FAR1: variants seen among roughly 807,000 people sequenced by gnomAD.
FAR1 encodes fatty acyl-CoA reductase 1.
FAR1 carries 22 observed loss-of-function variants against 61.1 expected under a neutral mutation model. The observed-to-expected ratio is 0.36, with a 90% CI of 0.26 to 0.51. The LOEUF (loss-of-function observed/expected upper bound fraction) is 0.51. FAR1 is among the 20% of genes least tolerant of loss of function. The pLI is 0.95. For missense variants in FAR1, 359 were observed against 626.9 expected, an observed-to-expected ratio of 0.57 and a Z score of 4.56; for synonymous variants, 206 against 209.7, an observed-to-expected ratio of 0.98 and a Z score of 0.15.
chr11:13,714,701 C>G, intron 9 of FAR1, 21 bp downstream of exon 9: 1 of 1,584,076 alleles, frequency 6.3e-7, no homozygotes, highest in Non-Finnish European at 8.6e-7. Flanking sequence ...CTAGCTCTGT[C>G]TTATCTGTTC....
chr11:13,690,820 T>G (rs1382998572), intron 1 of FAR1, among the ~76,000 whole-genome samples: 1 of 152,250 alleles, frequency 6.6e-6, no homozygotes, highest in Non-Finnish European at 1.5e-5. Flanking sequence ...ATTGACATCT[T>G]CAGTCTTCCA....
intron 1 of FAR1, among the ~76,000 whole-genome samples, chr11:13,684,196 GTTAA>G (rs1309251434): frequency 2.6e-5 from 4 of 152,074 alleles, no homozygotes; most frequent in Non-Finnish European, 4.4e-5. Context: ...TTAGAGTCCC[GTTAA>G]TTATTTGTTT....
In FAR1 at chr11:13,704,542, G is replaced by A. The variant is rs139049992; in HGVS notation, c.366-3358G>A. 1.3e-3 allele frequency among the ~76,000 whole-genome samples: 204 copies of A among 152,184 alleles called. 5 individuals carry two copies. The East Asian group carries it at 0.036, about 27-fold the overall frequency. Reference sequence around the variant, plus strand: ...GCCAAATTTTGACTTTTTAATTTTGGAATCATACTCCAGAGTTCTTTTTAG... The same window carrying A: ...GCCAAATTTTGACTTTTTAATTTTGAAATCATACTCCAGAGTTCTTTTTAG... On this transcript the variant is annotated intron_variant, in intron 3 of 11. Coordinates refer to ENST00000354817, the MANE Select transcript of FAR1 (RefSeq NM_032228.6).
chr11:13,694,602 A>G (rs1469301852), intron 1 of FAR1, among the ~76,000 whole-genome samples, 157 bp from the exon 2 acceptor site: 1 of 152,194 alleles, frequency 6.6e-6, no homozygotes, highest in Non-Finnish European at 1.5e-5. Flanking sequence ...TTTCCACTTT[A>G]CTATAATGAA....
At chr11:13,714,702 T>C in intron 9 of FAR1, 22 bp downstream of exon 9, 1 of 1,584,714 alleles carries the variant, frequency 6.3e-7, no homozygotes, top group Non-Finnish European at 8.6e-7. Context: ...TAGCTCTGTC[T>C]TATCTGTTCC....
chr11:13,692,179 T>C (rs1848257545), intron 1 of FAR1, among the ~76,000 whole-genome samples: 1 of 152,106 alleles, frequency 6.6e-6, no homozygotes, highest in Non-Finnish European at 1.5e-5. Context: ...AGGAAAAACT[T>C]TTAAGCACCA....
At chr11:13,679,951 T>C (rs892908679) in intron 1 of FAR1, among the ~76,000 whole-genome samples, 3 of 151,964 alleles carry the variant, frequency 2.0e-5, no homozygotes, top group Non-Finnish European at 2.9e-5. Context: ...GGGGAAGTAT[T>C]GGGGAAAATA....
At chr11:13,698,396 A>G (rs1412905658) in intron 2 of FAR1, among the ~76,000 whole-genome samples, 2 of 152,178 alleles carry the variant, frequency 1.3e-5, no homozygotes, top group African/African-American at 4.8e-5. Context: ...TGAATGTTAC[A>G]TCCTGAATCT....
intron 1 of FAR1, among the ~76,000 whole-genome samples, chr11:13,690,108 C>T (rs1489326146): frequency 6.6e-6 from 1 of 151,992 alleles, no homozygotes; most frequent in East Asian, 1.9e-4. Flanking sequence ...AACTCCTGAC[C>T]TCAGGTAATC....
intron 2 of FAR1, among the ~76,000 whole-genome samples, chr11:13,696,894 A>G (rs1330843046): frequency 6.6e-6 from 1 of 152,180 alleles, no homozygotes; most frequent in Non-Finnish European, 1.5e-5. Context: ...AGCACATACC[A>G]CCATATGGGA....
At chr11:13,674,308 CAA>C (rs375685986) in intron 1 of FAR1, among the ~76,000 whole-genome samples, 12 of 69,366 alleles carry the variant, frequency 1.7e-4, no homozygotes, top group Admixed American at 1.7e-4. Context: ...GACTCCGTCT[CAA>C]AAAAAAAAAA....
At chr11:13,692,945 C>T (rs1412248812) in intron 1 of FAR1, among the ~76,000 whole-genome samples, 1 of 151,836 alleles carries the variant, frequency 6.6e-6, no homozygotes, top group African/African-American at 2.4e-5. Flanking sequence ...TCTGGTGATC[C>T]GTGGTTATCT....
intron 10 of FAR1, among the ~76,000 whole-genome samples, chr11:13,724,417 G>A (rs945884249): frequency 2.6e-5 from 4 of 151,978 alleles, no homozygotes; most frequent in Admixed American, 1.3e-4. Context: ...AGGCGTGGTG[G>A]CGCATGCCTG....
chr11:13,679,099 A>T (rs1194070811), intron 1 of FAR1, among the ~76,000 whole-genome samples: 1 of 152,192 alleles, frequency 6.6e-6, no homozygotes, highest in Non-Finnish European at 1.5e-5. Context: ...TGTGAAGTCA[A>T]ATTTTATAAA....
At chr11:13,726,820 CAG>C (rs999791853) in intron 10 of FAR1, among the ~76,000 whole-genome samples, 58 of 151,564 alleles carry the variant, frequency 3.8e-4, no homozygotes, top group African/African-American at 1.2e-3. Context: ...CATTTTAATG[CAG>C]AGTTACTGCA....
intron 10 of FAR1, among the ~76,000 whole-genome samples, chr11:13,724,552 A>C (rs1848649848): frequency 1.5e-3 from 1 of 676 alleles, no homozygotes; most frequent in South Asian, 0.083. Context: ...TCCGCCTCAA[A>C]AAAAAAAAAA....
At chr11:13,697,736 CAATTAGGAGAATG>C (rs1309823668) in intron 2 of FAR1, among the ~76,000 whole-genome samples, 1 of 152,184 alleles carries the variant, frequency 6.6e-6, no homozygotes, top group East Asian at 1.9e-4. Flanking sequence ...AGGTCATCAG[CAATTAGGAGAATG>C]AAGAAGTACG....
At chr11:13,719,525 A>T (rs1248461450) in intron 9 of FAR1, among the ~76,000 whole-genome samples, 1 of 152,178 alleles carries the variant, frequency 6.6e-6, no homozygotes, top group East Asian at 1.9e-4. Flanking sequence ...TTACATAATA[A>T]TTCTGAATGT....
Position 13,728,616 on chromosome 11 carries a change from C to T in FAR1, c.1390C>T (p.Arg464Trp), listed in dbSNP as rs757619252. Residue 464 changes from arginine (R) to tryptophan (W), a missense_variant, in exon 12 of 12, where the codon CGG becomes TGG. Transcript: ENST00000354817. ...ATCTCTTGATTTGCTTTCCAGGTTG[C>T]GGAATATACGTTATGGTTTTAATAC... is the stretch of plus-strand genomic sequence containing the variant. ...PAARKHLNKL[R>W]NIRYGFNTIL... 1.9e-6 allele frequency: 3 copies of T among 1,608,952 alleles called. No homozygotes were observed. Among genetic ancestry groups the T allele is most frequent in the South Asian group, 1.1e-5 (1 of 90,706 alleles).
Sources: allele counts gnomAD v4.1 joint callset (sites outside exome capture counted in the v4.1 genomes callset), GRCh38; gene constraint gnomAD v4.1.1; transcripts MANE v1.5; gene names NCBI Gene and HGNC (gene_info 2026-07-23, HGNC 2026-07-21).